Variants in HPSE2 observed in about 807,000 individuals in gnomAD.
HPSE2 encodes inactive heparanase-2.
HPSE2 carries 38 observed loss-of-function variants against 60.5 expected under a neutral mutation model. The ratio of observed to expected loss-of-function variants is 0.63; its 90% CI spans 0.48 to 0.82. The LOEUF (loss-of-function observed/expected upper bound fraction) is 0.82. Among genes scored for constraint, HPSE2 ranks in the 40% least tolerant of loss-of-function variants. The pLI is 0.00. For missense variants in HPSE2, 713 were observed against 740.4 expected (o/e 0.96, Z 0.43); for synonymous variants, 295 against 293.2 (o/e 1.01, Z -0.06).
At chr10:99,048,906 G>T (rs1192481761) in intron 3 of HPSE2, among the ~76,000 whole-genome samples, 4 of 152,134 alleles carry the variant, frequency 2.6e-5, no homozygotes, top group Admixed American at 6.5e-5. Flanking sequence ...CTATAAAAAA[G>T]AATCAAATCC....
intron 3 of HPSE2, among the ~76,000 whole-genome samples, chr10:98,976,221 A>G (rs754249029): frequency 2.6e-5 from 4 of 152,134 alleles, no homozygotes; most frequent in Non-Finnish European, 4.4e-5. Context: ...GACTATACAT[A>G]TATATATTTA....
chr10:98,578,721 G>C (rs1944708118), intron 9 of HPSE2, among the ~76,000 whole-genome samples: 1 of 152,020 alleles, frequency 6.6e-6, no homozygotes, highest in African/African-American at 2.4e-5. Context: ...TTTTCCTTTA[G>C]ATACCCCCTA....
chr10:98,887,193 G>C (rs1469105589), intron 3 of HPSE2, among the ~76,000 whole-genome samples: 3 of 152,050 alleles, frequency 2.0e-5, no homozygotes, highest in African/African-American at 7.2e-5. Context: ...TCAAGGCTAA[G>C]AACCATAATA....
At position 98,614,965 on chromosome 10, in the gene HPSE2, C is replaced by T. The variant is rs1414416508; in HGVS notation, c.1259G>A (p.Arg420Gln). 13 of 1,613,862 alleles carry T rather than the reference C, an allele frequency of 8.1e-6. No homozygotes were observed. The highest frequency in any genetic ancestry group is 3.3e-5 in the Admixed American group (2 of 59,988). The change falls in exon 9 of 12, where the codon CGG becomes CAG. Residue 420 changes from arginine (R) to glutamine (Q), a missense_variant. Physicochemically the swap from Arg to Gln is conservative, Grantham distance 43 (BLOSUM62 1). Transcript: ENST00000370552. ...LANQGIDVVIRHSFFDHGYNH... is the reference protein window; with the variant it reads ...LANQGIDVVIQHSFFDHGYNH... ...GTATCCATGGTCAAAAAATGAGTGC[C>T]GTATCACGACATCAATGCCCTGATT...
intron 7 of HPSE2, among the ~76,000 whole-genome samples, chr10:98,626,060 C>G (rs1201921389): frequency 4.7e-5 from 7 of 149,526 alleles, no homozygotes; most frequent in East Asian, 2.0e-4. Context: ...GAGCCGAGAT[C>G]GCACCACTAC....
intron 4 of HPSE2, among the ~76,000 whole-genome samples, chr10:98,731,360 C>T (rs1949223961): frequency 6.6e-6 from 1 of 151,982 alleles, no homozygotes; most frequent in Non-Finnish European, 1.5e-5. Flanking sequence ...GATGTAAAAT[C>T]CCCAACAAAA....
intron 9 of HPSE2, among the ~76,000 whole-genome samples, chr10:98,578,862 C>T (rs939621212): frequency 2.0e-5 from 3 of 152,158 alleles, no homozygotes; most frequent in Admixed American, 1.3e-4. Flanking sequence ...TAGCCAGAAA[C>T]TCTCAAAGCT....
chr10:99,037,265 G>A (rs1397259002), intron 3 of HPSE2, among the ~76,000 whole-genome samples: 2 of 151,828 alleles, frequency 1.3e-5, no homozygotes, highest in Non-Finnish European at 2.9e-5. Flanking sequence ...TTAGATCCTG[G>A]GACACAAAAA....
chr10:98,804,739 TA>T lies in HPSE2; in HGVS notation c.611-60684del, dbSNP rs566570834. ...AAAGTTTGGAGGTTCCTCAGAAAAC[TA>T]AAAATAGAGCTACTATAGGATTCAG... is the stretch of plus-strand genomic sequence containing the variant. On this transcript the variant is annotated intron_variant, in intron 3 of 11. Transcript: ENST00000370552. Among the ~76,000 whole-genome samples the T allele has an allele frequency of 1.5e-3, 235 of 152,206 alleles. 2 individuals carry two copies. Among genetic ancestry groups the T allele is most frequent in the African/African-American group, 5.3e-3 (219 of 41,532 alleles).
chr10:98,991,213 G>T (rs544430980), intron 3 of HPSE2, among the ~76,000 whole-genome samples: 1 of 152,266 alleles, frequency 6.6e-6, no homozygotes, highest in African/African-American at 2.4e-5. Context: ...ACAATAAATT[G>T]CTAAACAAGC....
At chr10:98,989,244 C>A (rs1002751607) in intron 3 of HPSE2, among the ~76,000 whole-genome samples, 2 of 152,174 alleles carry the variant, frequency 1.3e-5, no homozygotes, top group Non-Finnish European at 2.9e-5. Flanking sequence ...TTGGAACCAA[C>A]CCAAATGTCC....
At chr10:98,921,512 T>C (rs1001840739) in intron 3 of HPSE2, among the ~76,000 whole-genome samples, 10 of 152,160 alleles carry the variant, frequency 6.6e-5, no homozygotes, top group Non-Finnish European at 1.3e-4. Flanking sequence ...AAGATTACGA[T>C]GGTCAGGGGA....
intron 9 of HPSE2, among the ~76,000 whole-genome samples, chr10:98,517,333 C>G (rs1287159385): frequency 1.3e-5 from 2 of 152,222 alleles, no homozygotes; most frequent in East Asian, 1.9e-4. Context: ...GCTAAATGTC[C>G]CTTGGGGAGC....
chr10:98,926,920 T>C (rs957073705), intron 3 of HPSE2, among the ~76,000 whole-genome samples: 3 of 152,190 alleles, frequency 2.0e-5, no homozygotes, highest in African/African-American at 7.2e-5. Context: ...TTGAGCGGTT[T>C]TGAGTGAGAT....
intron 3 of HPSE2, among the ~76,000 whole-genome samples, chr10:99,004,542 C>T (rs952127635): frequency 8.6e-5 from 13 of 151,978 alleles, no homozygotes; most frequent in Non-Finnish European, 1.3e-4. Flanking sequence ...TTTCATTCCT[C>T]CTCCAATATT....
chr10:99,262,075 C>T, the HPSE2 span, among the ~76,000 whole-genome samples: 17 of 152,280 alleles, frequency 1.1e-4, no homozygotes, highest in African/African-American at 3.9e-4. Flanking sequence ...TCACACTGCC[C>T]GATCGCCTCG....
chr10:98,746,905 C>A (rs1231358503), intron 3 of HPSE2, among the ~76,000 whole-genome samples: 1 of 151,796 alleles, frequency 6.6e-6, no homozygotes, highest in African/African-American at 2.4e-5. Flanking sequence ...AGAAACTGGC[C>A]AAACTAAACA....
intron 3 of HPSE2, among the ~76,000 whole-genome samples, chr10:99,107,407 T>C (rs1844291297): frequency 6.6e-6 from 1 of 152,178 alleles, no homozygotes; most frequent in African/African-American, 2.4e-5. Flanking sequence ...TCTAGCCCTT[T>C]ATCATGTCTT....
intron 3 of HPSE2, among the ~76,000 whole-genome samples, chr10:98,896,219 C>T (rs1953489389): frequency 6.6e-6 from 1 of 151,640 alleles, no homozygotes; most frequent in Admixed American, 6.6e-5. Context: ...AGTATATTTC[C>T]AGGTGGCGAA....
Sources: gnomAD v4.1 joint callset for allele counts (sites outside exome capture counted in the v4.1 genomes callset) on GRCh38, gnomAD v4.1.1 for gene constraint, MANE v1.5 for transcripts, NCBI Gene and HGNC (gene_info 2026-07-23, HGNC 2026-07-21) for gene names.